Variants in MOXD1 observed in about 807,000 individuals in gnomAD.
The protein encoded by MOXD1 is DBH-like monooxygenase protein 1.
A neutral mutation model predicts 66.6 loss-of-function variants in MOXD1; 62 were observed. The ratio of observed to expected loss-of-function variants is 0.93; its 90% CI spans 0.76 to 1.15. MOXD1 has a LOEUF of 1.15. Ranked by LOEUF, MOXD1 falls within the 50% of genes most tolerant of loss-of-function variation. The pLI, the probability that MOXD1 is intolerant of heterozygous loss-of-function variation, is 0.00. For missense variants in MOXD1, 847 were observed against 754.6 expected (o/e 1.12, Z -1.44); for synonymous variants, 303 against 281.9 (o/e 1.07, Z -0.75).
intron 1 of MOXD1, chr6:132,391,576 T>C (rs1339804773): frequency 1.3e-5 from 2 of 152,204 alleles, no homozygotes; most frequent in African/African-American, 4.8e-5. Context: ...GAGTCATCCA[T>C]ACGCAGTTTT....
At chr6:132,303,878 T>C (rs796486795) in intron 10 of MOXD1, among the ~76,000 whole-genome samples, 2,901 of 45,458 alleles carry the variant, frequency 0.064, 188 homozygotes, top group East Asian at 0.3. Context: ...TATATATATA[T>C]ACATATATAC....
intron 4 of MOXD1, among the ~76,000 whole-genome samples, chr6:132,345,348 G>T (rs1368026920): frequency 6.6e-6 from 1 of 151,880 alleles, no homozygotes; most frequent in African/African-American, 2.4e-5. Context: ...TTTTTGTGAT[G>T]ATTTTGTCTA....
chr6:132,324,268 A>G lies in MOXD1; in HGVS notation c.947-171T>C, dbSNP rs373866496. Among the ~76,000 whole-genome samples, 3 of 152,268 alleles carry G rather than the reference A, an allele frequency of 2.0e-5. No homozygotes were observed. The East Asian group carries it at 5.8e-4, about 29-fold the overall frequency. On this transcript the variant is annotated intron_variant, in intron 6 of 11. Coordinates refer to ENST00000367963, the MANE Select transcript of MOXD1 (RefSeq NM_015529.4). Reference sequence around the variant, plus strand: ...GGATTCAAGCAGAGATTAGTGGCAGACAACATTCAGTTTCACAAACAAGAG... The same window carrying G: ...GGATTCAAGCAGAGATTAGTGGCAGGCAACATTCAGTTTCACAAACAAGAG...
At position 132,322,697 on chromosome 6, in the gene MOXD1, T is replaced by C. The variant is rs766397482; in HGVS notation, c.1287A>G (p.Glu429=). 9.9e-6 allele frequency: 16 copies of C among 1,613,598 alleles called. No individual in the cohort carries two copies. Among genetic ancestry groups the C allele is most frequent in the Non-Finnish European group, 1.1e-5 (13 of 1,179,822 alleles). ...TGCATACTGGTAAGATTGTTTGTTC[T>C]TCCTTTAGATACTGAAACTCCTGGA... is the stretch of plus-strand genomic sequence containing the variant. The part of the protein sequence containing the change: ...FNFQEFQYLK[E]EQTILPGDNL... The change falls in exon 8 of 12, where the codon GAA becomes GAG. Residue 429 remains glutamate, a synonymous_variant. Coordinates refer to ENST00000367963, the MANE Select transcript of MOXD1 (RefSeq NM_015529.4).
chr6:132,363,374 T>A (rs958391994), intron 4 of MOXD1, among the ~76,000 whole-genome samples: 1 of 152,146 alleles, frequency 6.6e-6, no homozygotes, highest in Non-Finnish European at 1.5e-5. Context: ...ATATCTGTTA[T>A]ACCTCAACAA....
intron 1 of MOXD1, among the ~76,000 whole-genome samples, chr6:132,393,495 G>T (rs1776811191): frequency 1.3e-5 from 2 of 152,164 alleles, no homozygotes; most frequent in South Asian, 4.1e-4. Context: ...TGAGGAAAGG[G>T]TAAGTGAGAG....
At chr6:132,354,049 A>C (rs1471308534) in intron 4 of MOXD1, among the ~76,000 whole-genome samples, 1 of 151,996 alleles carries the variant, frequency 6.6e-6, no homozygotes, top group Non-Finnish European at 1.5e-5. Context: ...TATTTCCTTA[A>C]ATATTTCTTC....
At position 132,359,488 on chromosome 6, in the gene MOXD1, C is replaced by CTT. The variant is rs568516620; in HGVS notation, c.663+13118_663+13119dup. 1.9e-3 allele frequency among the ~76,000 whole-genome samples: 249 copies of CTT among 129,514 alleles called. 1 individual carries two copies. The highest frequency in any genetic ancestry group is 4.1e-3 in the African/African-American group (137 of 33,680). The allele number at this position is 129,514 out of a possible 152,430, so 85.0% of individuals were successfully genotyped here. On this transcript the variant is annotated intron_variant, in intron 4 of 11. Coordinates refer to ENST00000367963, the MANE Select transcript of MOXD1 (RefSeq NM_015529.4). ...TTGCCAGAGTTTTTTTTTTCTTTTT[C>CTT]TTTTTTTTTTTTTTTTGAGACGGAG...
intron 4 of MOXD1, among the ~76,000 whole-genome samples, chr6:132,339,432 T>C (rs1274648612): frequency 6.6e-6 from 1 of 152,206 alleles, no homozygotes. Flanking sequence ...CGTTAGGTGC[T>C]GAGGGAGGAA....
intron 4 of MOXD1, among the ~76,000 whole-genome samples, chr6:132,349,050 G>A (rs1266123734): frequency 1.3e-5 from 2 of 151,716 alleles, no homozygotes; most frequent in African/African-American, 2.4e-5. Context: ...TTCTTTGGTG[G>A]TGATTTGTGA....
chr6:132,383,912 AT>A (rs935378592), intron 1 of MOXD1, among the ~76,000 whole-genome samples: 1 of 152,088 alleles, frequency 6.6e-6, no homozygotes, highest in Non-Finnish European at 1.5e-5. Flanking sequence ...TCTACTAAAA[AT>A]ACAAAAATTA....
At chr6:132,303,712 C>A (rs1359488683) in intron 10 of MOXD1, among the ~76,000 whole-genome samples, 2 of 142,566 alleles carry the variant, frequency 1.4e-5, no homozygotes, top group Non-Finnish European at 3.0e-5. Context: ...TATACATACA[C>A]ACACACACAC....
intron 4 of MOXD1, among the ~76,000 whole-genome samples, chr6:132,338,097 T>C (rs896879969): frequency 1.3e-5 from 2 of 152,262 alleles, no homozygotes; most frequent in Admixed American, 6.5e-5. Flanking sequence ...AGCAACCTTA[T>C]GTGTTTAGGT....
chr6:132,375,080 C>T, intron 1 of MOXD1: 2 of 459,910 alleles, frequency 4.3e-6, no homozygotes, highest in Non-Finnish European at 3.8e-6. Context: ...AAAAGAGGGA[C>T]TATAGCACTA....
intron 4 of MOXD1, among the ~76,000 whole-genome samples, chr6:132,331,170 T>G (rs1317323098): frequency 1.3e-5 from 2 of 152,352 alleles, no homozygotes; most frequent in Non-Finnish European, 2.9e-5. Context: ...TGTCTGAGAC[T>G]TGACGTTTTT....
chr6:132,336,783 G>A (rs965703580), intron 4 of MOXD1, among the ~76,000 whole-genome samples: 2 of 152,074 alleles, frequency 1.3e-5, no homozygotes, highest in South Asian at 2.1e-4. Flanking sequence ...GGGCGAGGAG[G>A]CTTCTGGGAA....
chr6:132,355,045 C>T (rs756603507), intron 4 of MOXD1, among the ~76,000 whole-genome samples: 13 of 152,230 alleles, frequency 8.5e-5, no homozygotes, highest in South Asian at 6.2e-4. Flanking sequence ...TAGATGAGCA[C>T]GGCTTGAGAA....
chr6:132,353,120 C>T (rs1775837036), intron 4 of MOXD1, among the ~76,000 whole-genome samples: 1 of 152,182 alleles, frequency 6.6e-6, no homozygotes, highest in South Asian at 2.1e-4. Flanking sequence ...TTAAGTGGAG[C>T]ACTTAGGCGA....
chr6:132,347,369 G>T (rs1727825897), intron 4 of MOXD1, among the ~76,000 whole-genome samples: 1 of 152,120 alleles, frequency 6.6e-6, no homozygotes, highest in Non-Finnish European at 1.5e-5. Flanking sequence ...CTTTAATTTT[G>T]TAGGACTGTT....
Sources: allele counts gnomAD v4.1 joint callset (sites outside exome capture counted in the v4.1 genomes callset), GRCh38; gene constraint gnomAD v4.1.1; transcripts MANE v1.5; gene names NCBI Gene and HGNC (gene_info 2026-07-23, HGNC 2026-07-21).